Variants in CELA2A observed in about 807,000 individuals in gnomAD.
The protein encoded by CELA2A is chymotrypsin like elastase 2A.
In CELA2A, 31 loss-of-function variants were observed where a neutral mutation model predicts 35.3. The observed-to-expected ratio is 0.88, with a 90% CI of 0.66 to 1.19. The LOEUF is 1.19. CELA2A is among the 50% of genes most tolerant of loss of function. The pLI, the probability that CELA2A is intolerant of heterozygous loss-of-function variation, is 0.00. For missense variants in CELA2A, 330 were observed against 352.9 expected (o/e 0.94, Z 0.52); for synonymous variants, 150 against 149.8 (o/e 1.00, Z -0.01).
intron 4 of CELA2A, 33 bp from the exon 5 acceptor site, chr1:15,463,353 C>A: frequency 6.2e-7 from 1 of 1,612,432 alleles, no homozygotes. Context: ...AAAGTCAACC[C>A]GGTCCTCATG....
rs147644688 is a variant in CELA2A, at chr1:15,471,274, C to T, written c.793-716C>T. On this transcript the variant is annotated intron_variant, in intron 7 of 7. Transcript: ENST00000359621. ...ATCAAAATGTTTAACAGGCTGGGCG[C>T]GGTGGCTCACGCCTGTAATCTGAGC... Among the ~76,000 whole-genome samples the T allele has an allele frequency of 4.6e-5, 7 of 152,244 alleles. No homozygotes were observed. The East Asian group carries it at 9.6e-4, about 21-fold the overall frequency.
rs1351979721 is a variant in CELA2A, at chr1:15,457,108, T to C, written c.63T>C (p.Thr21=). Residue 21 remains threonine, a synonymous_variant, in exon 2 of 8, where the codon ACT becomes ACC. Transcript: ENST00000359621. ...CAGCCCTCAGTTGTGGGGACCCCAC[T>C]TACCCACCTTATGTGACTAGGGTGG... ...VAGALSCGDP[T]YPPYVTRVVG... 3 of 1,613,982 alleles carry C rather than the reference T, an allele frequency of 1.9e-6. No homozygotes were observed. Among genetic ancestry groups the C allele is most frequent in the Admixed American group, 1.7e-5 (1 of 59,996 alleles).
intron 2 of CELA2A, among the ~76,000 whole-genome samples, chr1:15,460,228 T>C (rs1379027062): frequency 1.3e-5 from 2 of 152,150 alleles, no homozygotes; most frequent in East Asian, 3.8e-4. Flanking sequence ...CCTCTTTAGC[T>C]ACACTTTGCT....
intron 3 of CELA2A, 200 bp downstream of exon 3, chr1:15,461,858 G>A (rs2103301923): frequency 1.4e-6 from 1 of 730,238 alleles, no homozygotes; most frequent in Non-Finnish European, 2.5e-6. Context: ...TGGAGTGTCT[G>A]TGCCAGGCAG....
At chr1:15,470,993 A>G (rs1003538274) in intron 7 of CELA2A, among the ~76,000 whole-genome samples, 6 of 152,250 alleles carry the variant, frequency 3.9e-5, no homozygotes, top group African/African-American at 1.4e-4. Flanking sequence ...CTGAGTCTTC[A>G]TACTGTTCTG....
chr1:15,467,334 T>C, intron 6 of CELA2A, 52 bp from the exon 7 acceptor site: 1 of 1,573,894 alleles, frequency 6.4e-7, no homozygotes, highest in South Asian at 1.1e-5. Flanking sequence ...ATGGTTCCAA[T>C]GGGCAGCCCC....
intron 3 of CELA2A, 130 bp downstream of exon 3, chr1:15,461,788 A>C: frequency 9.8e-7 from 1 of 1,023,098 alleles, no homozygotes; most frequent in Non-Finnish European, 1.5e-6. Context: ...GCTGAGACAC[A>C]AGCTGTAGTC....
chr1:15,469,946 ATT>A (rs936233896), intron 7 of CELA2A, among the ~76,000 whole-genome samples: 4 of 151,576 alleles, frequency 2.6e-5, no homozygotes, highest in Non-Finnish European at 5.9e-5. Context: ...AATTGTCCCA[ATT>A]TTTTTTTCCC....
rs1182561128 is a variant in CELA2A, at chr1:15,467,422, G to T, written c.676G>T (p.Asp226Tyr). 1 of 1,613,842 alleles carries T rather than the reference G, an allele frequency of 6.2e-7. No individual in the cohort carries two copies. Among genetic ancestry groups the T allele is most frequent in the Non-Finnish European group, 8.5e-7 (1 of 1,180,048 alleles). ...CGGGCCACTGAACTGTCAGGCGTCT[G>T]ACGGCCGGTGGCAGGTGCACGGCAT... ...SGGPLNCQAS[D>Y]GRWQVHGIVS... Residue 226 changes from aspartate to tyrosine, a missense_variant, in exon 7 of 8, where the codon GAC becomes TAC. By Grantham distance (160) the Asp-to-Tyr change is radical. Coordinates refer to ENST00000359621, the MANE Select transcript of CELA2A (RefSeq NM_033440.3).
At chr1:15,456,988 C>A in intron 1 of CELA2A, 98 bp from the exon 2 acceptor site, 1 of 1,344,374 alleles carries the variant, frequency 7.4e-7, no homozygotes, top group Non-Finnish European at 1.1e-6. Context: ...CCTTCTAGAA[C>A]AAGGGTTTTC....
chr1:15,464,855 G>C (rs748982747), intron 5 of CELA2A, among the ~76,000 whole-genome samples: 2 of 152,114 alleles, frequency 1.3e-5, no homozygotes, highest in Non-Finnish European at 2.9e-5. Context: ...AGCCACTTCC[G>C]AACCTCAGTT....
At chr1:15,463,237 C>A in intron 4 of CELA2A, 149 bp from the exon 5 acceptor site, 4 of 1,240,470 alleles carry the variant, frequency 3.2e-6, no homozygotes, top group South Asian at 1.5e-5. Context: ...AGGCCCTCTG[C>A]ATTTTCAAAC....
intron 2 of CELA2A, among the ~76,000 whole-genome samples, chr1:15,460,531 C>T (rs1354358393): frequency 2.6e-5 from 4 of 152,052 alleles, no homozygotes; most frequent in Admixed American, 6.6e-5. Context: ...CACCTCCCTC[C>T]CCTCTGCTTG....
chr1:15,466,236 A>G, intron 6 of CELA2A, 92 bp downstream of exon 6: 2 of 1,414,228 alleles, frequency 1.4e-6, no homozygotes, highest in South Asian at 1.3e-5. Flanking sequence ...CCATCCTCCC[A>G]CCTCCTGGCA....
In CELA2A at chr1:15,463,284, T is replaced by C. The variant is rs41270251; in HGVS notation, c.357-102T>C. 1.9e-3 allele frequency: 3,000 copies of C among 1,556,256 alleles called. 10 individuals are homozygous for C. Among genetic ancestry groups the C allele is most frequent in the Middle Eastern group, 6.7e-3 (28 of 4,180 alleles). On this transcript the variant is annotated intron_variant, in intron 4 of 7. Coordinates refer to ENST00000359621, the MANE Select transcript of CELA2A (RefSeq NM_033440.3). The stretch of plus-strand genomic sequence containing the variant: ...CCCTGCCAGTCAGAGCAACCTGGGG[T>C]AACAGGGTACAGGGAAGATGACAAG...
At chr1:15,457,344 G>A (rs1708376208) in intron 2 of CELA2A, 170 bp downstream of exon 2, 1 of 649,628 alleles carries the variant, frequency 1.5e-6, no homozygotes, top group Non-Finnish European at 2.7e-6. Flanking sequence ...GGGCGCAGTG[G>A]CTCATGCCTG....
intron 2 of CELA2A, among the ~76,000 whole-genome samples, chr1:15,459,253 C>G (rs1408182451): frequency 1.3e-5 from 2 of 151,830 alleles, no homozygotes; most frequent in African/African-American, 4.8e-5. Flanking sequence ...GCCTCGAACT[C>G]CTAGGCTCAA....
chr1:15,465,003 CTTTTTTTTT>C (rs34001591), intron 5 of CELA2A, among the ~76,000 whole-genome samples: 3 of 77,466 alleles, frequency 3.9e-5, no homozygotes, highest in East Asian at 8.6e-4. Context: ...CTTAACTTCC[CTTTTTTTTT>C]TTTTTTTTTT....
chr1:15,466,498 G>A (rs991410986), intron 6 of CELA2A, among the ~76,000 whole-genome samples: 3 of 151,936 alleles, frequency 2.0e-5, no homozygotes, highest in Admixed American at 2.0e-4. Context: ...TGAGGCGGAG[G>A]TTGCAGTGAG....
Sources: gnomAD v4.1 joint callset for allele counts (sites outside exome capture counted in the v4.1 genomes callset) on GRCh38, gnomAD v4.1.1 for gene constraint, MANE v1.5 for transcripts, NCBI Gene and HGNC (gene_info 2026-07-23, HGNC 2026-07-21) for gene names.